Variants in TEKTL1 observed in about 807,000 individuals in gnomAD.
TEKTL1 encodes the protein tektin-like protein 1.
At chr19:15,011,005 C>A in the TEKTL1 span, 2 of 1,586,920 alleles carry the variant, frequency 1.3e-6, no homozygotes, top group Admixed American at 3.5e-5. Context: ...ACGTGGCCCA[C>A]CACCTCGGCC....
the TEKTL1 span, chr19:15,021,324 A>T: frequency 1.2e-6 from 2 of 1,608,048 alleles, no homozygotes; most frequent in Non-Finnish European, 1.7e-6. Context: ...AGGACTTGGC[A>T]CCCCCACGCG....
At chr19:15,017,837 G>A in the TEKTL1 span, among the ~76,000 whole-genome samples, 1 of 152,158 alleles carries the variant, frequency 6.6e-6, no homozygotes, top group Non-Finnish European at 1.5e-5. Context: ...TCTGAACTGG[G>A]TAAGGAGGCA....
At chr19:15,019,815 C>G in the TEKTL1 span, among the ~76,000 whole-genome samples, 1 of 151,768 alleles carries the variant, frequency 6.6e-6, no homozygotes. Context: ...TAGTGAGACC[C>G]TGTCTTTACA....
chr19:15,014,741 G>GGGGT, the TEKTL1 span, among the ~76,000 whole-genome samples: 1 of 123,758 alleles, frequency 8.1e-6, no homozygotes, highest in Non-Finnish European at 1.7e-5. Context: ...CGGGGGGCGG[G>GGGGT]GGCTGCTGAA....
At chr19:15,019,130 G>A in the TEKTL1 span, among the ~76,000 whole-genome samples, 1 of 151,810 alleles carries the variant, frequency 6.6e-6, no homozygotes, top group African/African-American at 2.4e-5. Context: ...TTGCTTTTTT[G>A]TAGAGATGGA....
At chr19:15,011,798 G>T in the TEKTL1 span, among the ~76,000 whole-genome samples, 1 of 151,222 alleles carries the variant, frequency 6.6e-6, no homozygotes. Flanking sequence ...AAGGGCACAA[G>T]AAGATGAGGG....
the TEKTL1 span, chr19:15,010,743 G>A: frequency 7.1e-7 from 1 of 1,409,602 alleles, no homozygotes; most frequent in Non-Finnish European, 9.4e-7. Context: ...TGTCTCTACA[G>A]GCCAGGAAAG....
the TEKTL1 span, chr19:15,021,478 G>A: frequency 6.2e-7 from 1 of 1,614,220 alleles, no homozygotes; most frequent in South Asian, 1.1e-5. Flanking sequence ...CCGTGTGTGT[G>A]CCTCGCTGGC....
the TEKTL1 span, among the ~76,000 whole-genome samples, chr19:15,012,849 C>T: frequency 1.6e-4 from 24 of 152,168 alleles, no homozygotes; most frequent in East Asian, 3.5e-3. Context: ...ACCCTCAGTG[C>T]CCCAGTCCTA....
At chr19:15,013,561 T>C in the TEKTL1 span, 2 of 734,720 alleles carry the variant, frequency 2.7e-6, no homozygotes, top group Non-Finnish European at 4.5e-6. Context: ...CTCAACTTCA[T>C]CCTTCAAACT....
At chr19:15,022,805 G>GCT in the TEKTL1 span, 1 of 1,500,620 alleles carries the variant, frequency 6.7e-7, no homozygotes, top group Non-Finnish European at 9.0e-7. Context: ...ACCTGGCGCA[G>GCT]GTGTGCCTTC....
chr19:15,019,273 G>A, the TEKTL1 span, among the ~76,000 whole-genome samples: 5 of 152,050 alleles, frequency 3.3e-5, no homozygotes, highest in Admixed American at 6.6e-5. Flanking sequence ...TTTTCACAGT[G>A]TGTTTATAGG....
chr19:15,021,779 A>G, the TEKTL1 span: 23 of 1,612,788 alleles, frequency 1.4e-5, no homozygotes, highest in Non-Finnish European at 1.8e-5. Flanking sequence ...CTGGGTTTCA[A>G]TGCGCTTGCA....
At chr19:15,020,477 G>C in the TEKTL1 span, 2 of 1,612,952 alleles carry the variant, frequency 1.2e-6, no homozygotes, top group Admixed American at 1.7e-5. Context: ...GCCTCCTGCC[G>C]AGACACTCTG....
At chr19:15,021,939 C>G in the TEKTL1 span, 1 of 1,577,148 alleles carries the variant, frequency 6.3e-7, no homozygotes, top group Non-Finnish European at 8.7e-7. Flanking sequence ...CTCCCCCGTA[C>G]CCCTCTAGGC....
At chr19:15,019,542 A>T in the TEKTL1 span, among the ~76,000 whole-genome samples, 1 of 152,366 alleles carries the variant, frequency 6.6e-6, no homozygotes, top group East Asian at 1.9e-4. Flanking sequence ...AAATTTAAGT[A>T]AAATAATAAA....
chr19:15,018,796 T>G, the TEKTL1 span, among the ~76,000 whole-genome samples: 1 of 145,086 alleles, frequency 6.9e-6, no homozygotes, highest in Admixed American at 7.0e-5. Context: ...TAAGCAGAAT[T>G]GCCTGACCCT....
chr19:15,021,467 AC>A, the TEKTL1 span: 1 of 1,614,212 alleles, frequency 6.2e-7, no homozygotes. Flanking sequence ...CAGATAAGCG[AC>A]CGTGTGTGTG....
the TEKTL1 span, among the ~76,000 whole-genome samples, chr19:15,012,924 A>G: frequency 7.5e-6 from 1 of 132,958 alleles, no homozygotes; most frequent in Non-Finnish European, 1.7e-5. Context: ...AACCCAGGTG[A>G]AACTCCCCCC....
Sources: gnomAD v4.1 joint callset for allele counts (sites outside exome capture counted in the v4.1 genomes callset) on GRCh38, gnomAD v4.1.1 for gene constraint, MANE v1.5 for transcripts, NCBI Gene and HGNC (gene_info 2026-07-23, HGNC 2026-07-21) for gene names.